The following HMMR variants were observed in gnomAD, a reference collection of about 807,000 sequenced individuals.
HMMR encodes the protein hyaluronan mediated motility receptor.
A neutral mutation model predicts 101.0 loss-of-function variants in HMMR; 108 were observed. That is an observed-to-expected ratio of 1.07 (90% CI 0.92 to 1.25). The LOEUF (loss-of-function observed/expected upper bound fraction) is 1.25, where lower values mean the gene tolerates loss of function less well. Ranked by LOEUF, HMMR falls within the 50% of genes most tolerant of loss-of-function variation. The pLI is 0.00. For missense variants in HMMR, 813 were observed against 788.7 expected (o/e 1.03, Z -0.37); for synonymous variants, 296 against 276.4 (o/e 1.07, Z -0.70).
chr5:163,462,603 G>A (rs572076216), intron 1 of HMMR, among the ~76,000 whole-genome samples: 6 of 152,020 alleles, frequency 3.9e-5, no homozygotes, highest in African/African-American at 1.4e-4. Context: ...GAGGCAGAGA[G>A]ATCAGCTGAG....
At chr5:163,490,299 C>T (rs996245049) in intron 16 of HMMR, 91 bp from the exon 17 acceptor site, 5 of 798,694 alleles carry the variant, frequency 6.3e-6, no homozygotes, top group Non-Finnish European at 1.0e-5. Context: ...AATACATAAA[C>T]AACTTTGGAA....
chr5:163,482,946 TAAAG>T, intron 13 of HMMR, 70 bp from the exon 14 acceptor site: 3 of 1,402,898 alleles, frequency 2.1e-6, no homozygotes, highest in Non-Finnish European at 2.9e-6. Context: ...CCTTGAGGTT[TAAAG>T]AAAAAAAAAG....
At chr5:163,468,134 G>A (rs1758760995) in intron 4 of HMMR, among the ~76,000 whole-genome samples, 2 of 152,208 alleles carry the variant, frequency 1.3e-5, no homozygotes, top group Admixed American at 1.3e-4. Context: ...AATCCTAGCT[G>A]GTTAGACTGT....
chr5:163,486,947 C>T (rs952934975), intron 16 of HMMR, among the ~76,000 whole-genome samples: 1 of 152,122 alleles, frequency 6.6e-6, no homozygotes, highest in Non-Finnish European at 1.5e-5. Flanking sequence ...GGTGTGGCGG[C>T]GGGCGCCTGT....
chr5:163,479,836 T>C (rs1329140411), intron 12 of HMMR, among the ~76,000 whole-genome samples: 1 of 152,164 alleles, frequency 6.6e-6, no homozygotes, highest in Non-Finnish European at 1.5e-5. Flanking sequence ...GAAGATTGTC[T>C]CTATATCCAC....
rs1175694440 is a variant in HMMR at position 163,473,253 on chromosome 5, G to A, written c.725G>A (p.Ser242Asn). The change falls in exon 8 of 18, where the codon AGT becomes AAT. Residue 242 changes from serine to asparagine, a missense_variant and splice_region_variant. By Grantham distance (46) the Ser-to-Asn change is conservative (BLOSUM62 1). Coordinates refer to ENST00000393915, the MANE Select transcript of HMMR (RefSeq NM_001142556.2). Reference sequence around the variant, plus strand: ...CTCTTGGAATACATCGAAGAAATTAGGTAATATGAGCAGTAGCTTTAAATT... The same window carrying A: ...CTCTTGGAATACATCGAAGAAATTAAGTAATATGAGCAGTAGCTTTAAATT... The part of the protein sequence containing the change: ...EKLLEYIEEI[S>N]CASDQVEKYK... The A allele has an allele frequency of 1.9e-6, 3 of 1,544,126 alleles. No homozygotes were observed. Among genetic ancestry groups the A allele is most frequent in the Non-Finnish European group, 1.8e-6 (2 of 1,121,092 alleles).
At chr5:163,482,513 G>A (rs1053649856) in intron 12 of HMMR, 129 bp from the exon 13 acceptor site, 1 of 648,246 alleles carries the variant, frequency 1.5e-6, no homozygotes, top group South Asian at 2.1e-5. Flanking sequence ...TCTTACCTGT[G>A]TTAAATGCAT....
Position 163,475,537 on chromosome 5 carries a change from A to G in HMMR, c.1133A>G (p.Glu378Gly). The G allele has an allele frequency of 6.2e-7, 1 of 1,609,548 alleles. No homozygotes were observed. The highest frequency in any genetic ancestry group is 8.5e-7 in the Non-Finnish European group (1 of 1,176,090). Reference protein sequence around the residue: ...MVKEKNLFEEELKQTLDELDK... With the variant: ...MVKEKNLFEEGLKQTLDELDK... ...AAAGAGAAGAATCTGTTTGAGGAAG[A>G]ATTAAAGCAAACACTGGATGAGCTT... Residue 378 changes from glutamate (E) to glycine (G), a missense_variant, in exon 11 of 18, where the codon GAA becomes GGA. Coordinates refer to ENST00000393915, the MANE Select transcript of HMMR (RefSeq NM_001142556.2).
chr5:163,463,656 G>T (rs1014695667), intron 1 of HMMR, among the ~76,000 whole-genome samples, 200 bp from the exon 2 acceptor site: 1 of 151,996 alleles, frequency 6.6e-6, no homozygotes, highest in African/African-American at 2.4e-5. Context: ...CCTTTGACCC[G>T]GTTGATATAA....
intron 6 of HMMR, 24 bp downstream of exon 6, chr5:163,471,295 T>A (rs769269790): frequency 6.2e-7 from 1 of 1,607,230 alleles, no homozygotes; most frequent in Admixed American, 1.7e-5. Context: ...TTGGCAGGTT[T>A]GCTGTGTCTG....
At chr5:163,462,804 G>A (rs1245188285) in intron 1 of HMMR, among the ~76,000 whole-genome samples, 5 of 114,782 alleles carry the variant, frequency 4.4e-5, no homozygotes, top group African/African-American at 1.7e-4. Context: ...CTCCAGCCTA[G>A]ACAACAGAGC....
chr5:163,486,353 C>T (rs182449), intron 16 of HMMR, among the ~76,000 whole-genome samples: 38,114 of 151,938 alleles, frequency 0.25, 5,011 homozygotes, highest in African/African-American at 0.3. Flanking sequence ...TTCCACTTCT[C>T]TTGTTAAATT....
At chr5:163,489,842 G>C (rs1759619358) in intron 16 of HMMR, among the ~76,000 whole-genome samples, 1 of 152,168 alleles carries the variant, frequency 6.6e-6, no homozygotes, top group Non-Finnish European at 1.5e-5. Context: ...CTCGGAGTTG[G>C]GGGAAAAGAG....
intron 4 of HMMR, 56 bp downstream of exon 4, chr5:163,467,804 A>G (rs1758749739): frequency 9.3e-7 from 1 of 1,070,660 alleles, no homozygotes; most frequent in African/African-American, 1.6e-5. Flanking sequence ...AGAGTTACAC[A>G]GATTTAAGAG....
chr5:163,464,765 C>T lies in HMMR; in HGVS notation c.188C>T (p.Pro63Leu), dbSNP rs903050343. 1 of 1,613,218 alleles carries T rather than the reference C, an allele frequency of 6.2e-7. No homozygotes were observed. Reference sequence around the variant, plus strand: ...AATGTTGACAAAGATACTACCTTGCCTGCTTCAGCTAGAAAAGTTAAGTCT... The same window carrying T: ...AATGTTGACAAAGATACTACCTTGCTTGCTTCAGCTAGAAAAGTTAAGTCT... ...NLNVDKDTTL[P>L]ASARKVKSSE... Residue 63 changes from proline (P) to leucine (L), a missense_variant, in exon 3 of 18, where the codon CCT becomes CTT. Pro to Leu is a moderately conservative substitution (Grantham distance 98, BLOSUM62 -3). Transcript: ENST00000393915.
intron 1 of HMMR, among the ~76,000 whole-genome samples, chr5:163,460,944 C>G (rs1456094822): frequency 6.6e-6 from 1 of 152,176 alleles, no homozygotes; most frequent in East Asian, 1.9e-4. Flanking sequence ...GTGAAACAGT[C>G]TCCGCCCCGT....
chr5:163,463,892 C>A lies in HMMR; in HGVS notation c.83C>A (p.Thr28Asn). 6 of 1,495,272 alleles carry A rather than the reference C, an allele frequency of 4.0e-6. No homozygotes were observed. The highest frequency in any genetic ancestry group is 4.5e-6 in the Non-Finnish European group (5 of 1,120,684). The allele number at this position is 1,495,272 out of a possible 1,614,324, so 92.6% of individuals were successfully genotyped here. Residue 28 changes from threonine to asparagine, a missense_variant, in exon 2 of 18, where the codon ACT becomes AAT. By Grantham distance (65) the Thr-to-Asn change is moderately conservative. Transcript: ENST00000393915. ...APSPGAYDVK[T>N]LEVLKGPVSF... ...TCTCCAGGTGCTTATGATGTTAAAACTTTAGAAGTATTGAAAGGACCAGTA... is the reference window on the plus strand; with the variant it reads ...TCTCCAGGTGCTTATGATGTTAAAAATTTAGAAGTATTGAAAGGACCAGTA...
In HMMR at chr5:163,471,262, A is replaced by G. The variant is rs1387793100; in HGVS notation, c.540A>G (p.Thr180=). 4 of 1,612,594 alleles carry G rather than the reference A, an allele frequency of 2.5e-6. No individual in the cohort carries two copies. Among genetic ancestry groups the G allele is most frequent in the Non-Finnish European group, 2.5e-6 (3 of 1,178,568 alleles). ...TGAAACTTAGAAACAAAAGAGAAACAAAGATGAGGGTGAGTGCTGCCCTTG... is the reference window on the plus strand; with the variant it reads ...TGAAACTTAGAAACAAAAGAGAAACGAAGATGAGGGTGAGTGCTGCCCTTG... ...ELMKLRNKRE[T]KMRGMMAKQE... Residue 180 remains threonine (T), a synonymous_variant, in exon 6 of 18, where the codon ACA becomes ACG. Coordinates refer to ENST00000393915, the MANE Select transcript of HMMR (RefSeq NM_001142556.2).
rs1484019171 is a variant in HMMR, at chr5:163,483,078, A to G, written c.1591A>G (p.Thr531Ala). 3.1e-6 allele frequency: 5 copies of G among 1,611,210 alleles called. No individual in the cohort carries two copies. The highest frequency in any genetic ancestry group is 1.7e-5 in the Admixed American group (1 of 59,802). The change falls in exon 14 of 18, where the codon ACA becomes GCA. Residue 531 changes from threonine (T) to alanine (A), a missense_variant. By Grantham distance (58) the Thr-to-Ala change is moderately conservative (BLOSUM62 0). Coordinates refer to ENST00000393915, the MANE Select transcript of HMMR (RefSeq NM_001142556.2). ...ALKETEIKEI[T>A]VSFLQKITDL... ...AAAGGAAACAGAAATTAAAGAAATC[A>G]CAGTTTCTTTTCTTCAAAAAATAAC...
Sources: allele counts gnomAD v4.1 joint callset (sites outside exome capture counted in the v4.1 genomes callset), GRCh38; gene constraint gnomAD v4.1.1; transcripts MANE v1.5; gene names NCBI Gene and HGNC (gene_info 2026-07-23, HGNC 2026-07-21).